Variants in DLG2 observed in about 807,000 individuals in gnomAD.
DLG2 encodes discs large MAGUK scaffold protein 2.
A neutral mutation model predicts 132.5 loss-of-function variants in DLG2; 45 were observed. The ratio of observed to expected loss-of-function variants is 0.34; its 90% CI spans 0.27 to 0.44. The LOEUF (loss-of-function observed/expected upper bound fraction) is 0.44. Among genes scored for constraint, DLG2 ranks in the 20% least tolerant of loss-of-function variants. DLG2 has a pLI of 1.00. For missense variants in DLG2, 1,045 were observed against 1,196.9 expected (o/e 0.87, Z 1.87); for synonymous variants, 424 against 419.6 (o/e 1.01, Z -0.13).
intron 3 of DLG2, among the ~76,000 whole-genome samples, chr11:85,546,101 C>A (rs777189065): frequency 6.6e-6 from 1 of 152,136 alleles, no homozygotes; most frequent in Non-Finnish European, 1.5e-5. Context: ...GATTTTAGAT[C>A]TCCCCTGCTT....
intron 16 of DLG2, among the ~76,000 whole-genome samples, chr11:83,868,972 A>T (rs963937070): frequency 2.0e-5 from 3 of 152,192 alleles, no homozygotes; most frequent in Non-Finnish European, 4.4e-5. Flanking sequence ...CGGTCCCTTA[A>T]AAGTTTACGC....
chr11:84,042,373 CT>C lies in DLG2; in HGVS notation c.919+16941del, dbSNP rs2096112279. Among the ~76,000 whole-genome samples the C allele has an allele frequency of 5.9e-5, 9 of 151,566 alleles. No individual in the cohort carries two copies. The South Asian group carries it at 1.9e-3, about 32-fold the overall frequency. On this transcript the variant is annotated intron_variant, in intron 11 of 27. Coordinates refer to ENST00000376104, the MANE Select transcript of DLG2 (RefSeq NM_001142699.3). ...AGCCTGGATCTCTCTCATTATTGTTCTTTTTATAAATTTTCCTTGCTATTAT... is the reference window on the plus strand; with the variant it reads ...AGCCTGGATCTCTCTCATTATTGTTCTTTTATAAATTTTCCTTGCTATTAT...
At chr11:84,904,461 C>T (rs11234237) in intron 6 of DLG2, among the ~76,000 whole-genome samples, 1 of 152,112 alleles carries the variant, frequency 6.6e-6, no homozygotes, top group Admixed American at 6.6e-5. Flanking sequence ...TTTTTCAGAT[C>T]TTATTTTTTA....
rs569622556 is a variant in DLG2 at position 85,387,185 on chromosome 11, C to A, written c.41-101820G>T. Reference sequence around the variant, plus strand: ...TTACAGGTGTTAGCCACCAGAATATCCTTTCTTAATGAAATATATTTTATC... The same window carrying A: ...TTACAGGTGTTAGCCACCAGAATATACTTTCTTAATGAAATATATTTTATC... On this transcript the variant is annotated intron_variant, in intron 3 of 27. Coordinates refer to ENST00000376104, the MANE Select transcript of DLG2 (RefSeq NM_001142699.3). Among the ~76,000 whole-genome samples, 58 of 152,144 alleles carry A rather than the reference C, an allele frequency of 3.8e-4. 1 individual carries two copies. In the South Asian group the frequency reaches 0.012, roughly 32 times the overall value.
intron 3 of DLG2, among the ~76,000 whole-genome samples, chr11:85,571,869 T>C (rs184813319): frequency 5.9e-5 from 9 of 152,324 alleles, no homozygotes; most frequent in Admixed American, 2.6e-4. Flanking sequence ...TTAGGTGAGA[T>C]AAAGATAAAT....
intron 18 of DLG2, among the ~76,000 whole-genome samples, chr11:83,753,962 T>C (rs2093538287): frequency 6.9e-6 from 1 of 145,758 alleles, no homozygotes; most frequent in Admixed American, 6.9e-5. Flanking sequence ...TCGAATTACA[T>C]GCCAAGTGAA....
chr11:83,485,153 T>TAACTA (rs1357879851), intron 21 of DLG2, among the ~76,000 whole-genome samples: 4 of 152,178 alleles, frequency 2.6e-5, no homozygotes, highest in Non-Finnish European at 4.4e-5. Context: ...TTAAAAATTT[T>TAACTA]AACTAAACTA....
intron 19 of DLG2, among the ~76,000 whole-genome samples, chr11:83,604,973 T>A (rs546824892): frequency 1.3e-5 from 2 of 148,468 alleles, no homozygotes; most frequent in Non-Finnish European, 3.0e-5. Flanking sequence ...AGGTGCCATA[T>A]AATCAAACTT....
intron 3 of DLG2, among the ~76,000 whole-genome samples, chr11:85,530,801 T>C (rs1193999503): frequency 6.6e-6 from 1 of 152,250 alleles, no homozygotes; most frequent in Non-Finnish European, 1.5e-5. Flanking sequence ...ATCAGCTTCC[T>C]GAGTCTATTG....
chr11:84,761,584 TC>T (rs2153864022), intron 6 of DLG2, among the ~76,000 whole-genome samples: 1 of 152,242 alleles, frequency 6.6e-6, no homozygotes, highest in African/African-American at 2.4e-5. Flanking sequence ...ACTAACTAAG[TC>T]TTCTGGCCTC....
At chr11:85,101,184 T>C (rs2070787357) in intron 6 of DLG2, among the ~76,000 whole-genome samples, 1 of 152,094 alleles carries the variant, frequency 6.6e-6, no homozygotes, top group Non-Finnish European at 1.5e-5. Context: ...TGACTGCCAA[T>C]ATAGCAGGCT....
At chr11:84,660,136 C>A (rs1417896822) in intron 6 of DLG2, among the ~76,000 whole-genome samples, 1 of 152,128 alleles carries the variant, frequency 6.6e-6, no homozygotes, top group East Asian at 1.9e-4. Context: ...AGAATTGATA[C>A]CACATGATCC....
At chr11:84,265,437 GA>G (rs1478792551) in intron 7 of DLG2, among the ~76,000 whole-genome samples, 1 of 152,084 alleles carries the variant, frequency 6.6e-6, no homozygotes, top group African/African-American at 2.4e-5. Flanking sequence ...GCAAATGGTG[GA>G]AGAAGGATCC....
In DLG2 at chr11:84,526,869, C is replaced by T. The variant is rs535705130; in HGVS notation, c.519+7701G>A. Among the ~76,000 whole-genome samples the T allele has an allele frequency of 3.1e-4, 47 of 150,720 alleles. No homozygotes were observed. In the South Asian group the frequency reaches 4.8e-3, roughly 15 times the overall value. ...TCTCGGCTCACTGCAAGCTCCGCCT[C>T]CCGGGTTCACGCCATTCTCCTGCCT... is the stretch of plus-strand genomic sequence containing the variant. On this transcript the variant is annotated intron_variant, in intron 7 of 27. Coordinates refer to ENST00000376104, the MANE Select transcript of DLG2 (RefSeq NM_001142699.3).
chr11:85,510,772 T>C (rs1484318058), intron 3 of DLG2, among the ~76,000 whole-genome samples: 3 of 152,298 alleles, frequency 2.0e-5, no homozygotes, highest in Admixed American at 6.5e-5. Flanking sequence ...ACACTGTTGG[T>C]GGGACTGTAA....
At position 84,969,358 on chromosome 11, in the gene DLG2, C is replaced by T. The variant is rs542678520; in HGVS notation, c.357+142303G>A. On this transcript the variant is annotated intron_variant, in intron 6 of 27. Coordinates refer to ENST00000376104, the MANE Select transcript of DLG2 (RefSeq NM_001142699.3). ...TGTCTGAGACTGCTACTTACGTCTG[C>T]TTCCTACCACTGAATCCTGGCTTAT... Among the ~76,000 whole-genome samples the T allele has an allele frequency of 1.1e-4, 16 of 152,228 alleles. No homozygotes were observed. The South Asian group carries it at 3.3e-3, about 32-fold the overall frequency.
chr11:83,958,806 G>A (rs1376240380), intron 14 of DLG2, among the ~76,000 whole-genome samples: 1 of 151,994 alleles, frequency 6.6e-6, no homozygotes, highest in Non-Finnish European at 1.5e-5. Flanking sequence ...TTTCATAATT[G>A]CTACTTTCTT....
chr11:84,031,625 A>G (rs2095695046), intron 11 of DLG2, among the ~76,000 whole-genome samples: 1 of 152,166 alleles, frequency 6.6e-6, no homozygotes, highest in Non-Finnish European at 1.5e-5. Flanking sequence ...AAAGTTAACG[A>G]ATGGCAACGA....
chr11:85,498,255 G>C (rs1285232966), intron 3 of DLG2, among the ~76,000 whole-genome samples: 1 of 151,572 alleles, frequency 6.6e-6, no homozygotes, highest in Non-Finnish European at 1.5e-5. Context: ...CAAATGGAAA[G>C]CAAAAAAAAG....
Sources: gnomAD v4.1 joint callset for allele counts (sites outside exome capture counted in the v4.1 genomes callset) on GRCh38, gnomAD v4.1.1 for gene constraint, MANE v1.5 for transcripts, NCBI Gene and HGNC (gene_info 2026-07-23, HGNC 2026-07-21) for gene names.